The following KIF26A variants were observed in gnomAD, a reference collection of about 807,000 sequenced individuals.
KIF26A encodes the protein kinesin family member 26A.
A neutral mutation model predicts 126.0 loss-of-function variants in KIF26A; 74 were observed. The observed-to-expected ratio is 0.59, with a 90% CI of 0.49 to 0.71. KIF26A has a LOEUF of 0.71. KIF26A is among the 30% of genes least tolerant of loss of function. The pLI is 0.00. For missense variants in KIF26A, 2,984 were observed against 2,763.3 expected (o/e 1.08, Z -1.79); for synonymous variants, 1,445 against 1,232.7 (o/e 1.17, Z -3.61).
chr14:104,170,334 C>T (rs1200844622), intron 5 of KIF26A, among the ~76,000 whole-genome samples: 1 of 152,204 alleles, frequency 6.6e-6, no homozygotes, highest in Non-Finnish European at 1.5e-5. Flanking sequence ...TAATGGAGCC[C>T]AGGTTCTGAG....
chr14:104,177,435 C>T lies in KIF26A; in HGVS notation c.4647C>T (p.Gly1549=), dbSNP rs1234187813. The T allele has an allele frequency of 1.3e-6, 2 of 1,517,868 alleles. No homozygotes were observed. Among genetic ancestry groups the T allele is most frequent in the Non-Finnish European group, 1.8e-6 (2 of 1,136,580 alleles). The allele number at this position is 1,517,868 out of a possible 1,614,324, so 94.0% of individuals were successfully genotyped here. A position where few individuals can be genotyped will look rare whatever the true frequency, so the allele number is the denominator to read the frequency against. The change falls in exon 12 of 15, where the codon GGC becomes GGT. Residue 1549 remains glycine (G), a synonymous_variant. Coordinates refer to ENST00000423312, the MANE Select transcript of KIF26A (RefSeq NM_015656.2). ...GGCCCAGTGTCGGGGCGAAGGCTGG[C>T]CGGGGTACCGTCATGGGCACAAAGC... ...RAGPSVGAKA[G]RGTVMGTKQA... is the part of the protein sequence containing the mutation.
chr14:104,173,165 G>A lies in KIF26A; in HGVS notation c.1609G>A (p.Val537Met). ...DQSLRDLLAE[V>M]APGSLQDTQS... The stretch of plus-strand genomic sequence containing the variant: ...GAGCCTGCGGGACCTGCTGGCCGAG[G>A]TGGCCCCTGGCAGCCTCCAGGACAC... The change falls in exon 8 of 15, where the codon GTG becomes ATG. Residue 537 changes from valine to methionine, a missense_variant. Coordinates refer to ENST00000423312, the MANE Select transcript of KIF26A (RefSeq NM_015656.2). 2 of 1,611,576 alleles carry A rather than the reference G, an allele frequency of 1.2e-6. No homozygotes were observed. The highest frequency in any genetic ancestry group is 2.7e-5 in the African/African-American group (2 of 75,050).
intron 5 of KIF26A, among the ~76,000 whole-genome samples, chr14:104,171,117 G>A (rs1210914222): frequency 2.6e-5 from 4 of 152,188 alleles, no homozygotes; most frequent in African/African-American, 7.2e-5. Flanking sequence ...TATCTTGCCC[G>A]TCCCCGTTTG....
chr14:104,172,505 C>T, intron 6 of KIF26A, 70 bp from the exon 7 acceptor site: 3 of 1,181,462 alleles, frequency 2.5e-6, no homozygotes, highest in Non-Finnish European at 3.7e-6. Flanking sequence ...CCAGGACAGA[C>T]CGGCCTCAGG....
intron 4 of KIF26A, among the ~76,000 whole-genome samples, chr14:104,165,809 C>CATG (rs1327588225): frequency 6.6e-6 from 1 of 150,998 alleles, no homozygotes; most frequent in African/African-American, 2.4e-5. Flanking sequence ...ATATGTGTGT[C>CATG]TGTGTGTTTC....
At position 104,152,488 on chromosome 14, in the gene KIF26A, G is replaced by C; in HGVS notation, c.735+27G>C. On this transcript the variant is annotated intron_variant, in intron 3 of 14. Coordinates refer to ENST00000423312, the MANE Select transcript of KIF26A (RefSeq NM_015656.2). The surrounding 1 kb of genome is among the most constrained non-coding windows in gnomAD (Gnocchi z 5.9). ...TGAGTGTCTTGCTCAGCGGATGGGA[G>C]CTGCTGGCCTCCTTGTCAGAACTGG... The C allele has an allele frequency of 6.6e-7, 1 of 1,516,770 alleles. No homozygotes were observed. Among genetic ancestry groups the C allele is most frequent in the Non-Finnish European group, 8.8e-7 (1 of 1,135,106 alleles). 94.0% of individuals were successfully genotyped at this position (1,516,770 alleles called of 1,614,324 possible). A position where few individuals can be genotyped will look rare whatever the true frequency, so the allele number is the denominator to read the frequency against.
In KIF26A at chr14:104,178,461, A is replaced by T. The variant is rs536605252; in HGVS notation, c.5111-89A>T. 39 of 990,892 alleles carry T rather than the reference A, an allele frequency of 3.9e-5. No individual in the cohort carries two copies. The African/African-American group carries it at 6.1e-4, about 15-fold the overall frequency. The allele number at this position is 990,892 out of a possible 1,614,324, so 61.4% of individuals were successfully genotyped here. On this transcript the variant is annotated intron_variant, in intron 12 of 14. Coordinates refer to ENST00000423312, the MANE Select transcript of KIF26A (RefSeq NM_015656.2). The stretch of plus-strand genomic sequence containing the variant: ...GGATCCCGAAGGCCTCCCTGTCAGG[A>T]CTCGGGCCGGCTCCGCAGCGTCCCC...
rs774129657 is a variant in KIF26A, at chr14:104,157,745, TTC to T, written c.736-9_736-8del. ...TGCGTTCCTTATACGCACTCTCTCC[TTC>T]CCTCCAGGCCGAGGCAGCGGTGGCG... On this transcript the variant is annotated splice_polypyrimidine_tract_variant and splice_region_variant and intron_variant, in intron 3 of 14. Coordinates refer to ENST00000423312, the MANE Select transcript of KIF26A (RefSeq NM_015656.2). The T allele has an allele frequency of 1.2e-6, 2 of 1,609,404 alleles. No homozygotes were observed. Among genetic ancestry groups the T allele is most frequent in the East Asian group, 4.5e-5 (2 of 44,788 alleles).
chr14:104,139,744 A>G (rs1286192584), intron 2 of KIF26A, among the ~76,000 whole-genome samples: 1 of 152,182 alleles, frequency 6.6e-6, no homozygotes, highest in Non-Finnish European at 1.5e-5. Context: ...TGGCAGGTGA[A>G]AGGGTGGGCC....
chr14:104,178,058 G>A (rs1322723643), intron 12 of KIF26A, among the ~76,000 whole-genome samples, 160 bp downstream of exon 12: 3 of 152,354 alleles, frequency 2.0e-5, no homozygotes, highest in South Asian at 2.1e-4. Flanking sequence ...AGACTCGCCT[G>A]GGGCTTTTTG....
intron 2 of KIF26A, among the ~76,000 whole-genome samples, chr14:104,146,957 TCC>T (rs898313063): frequency 1.1e-4 from 17 of 152,130 alleles, no homozygotes; most frequent in African/African-American, 4.1e-4. Flanking sequence ...GTGTGGACAG[TCC>T]TGTGGCCCCT....
chr14:104,149,221 T>C (rs2037705844), intron 2 of KIF26A, among the ~76,000 whole-genome samples: 1 of 152,140 alleles, frequency 6.6e-6, no homozygotes, highest in African/African-American at 2.4e-5. Flanking sequence ...CCTGGGGCCT[T>C]GGGTGGGCCT....
intron 10 of KIF26A, 112 bp downstream of exon 10, chr14:104,173,980 T>G (rs2037988446): frequency 7.0e-7 from 1 of 1,426,614 alleles, no homozygotes; most frequent in South Asian, 1.4e-5. Flanking sequence ...AGGGCTTTGC[T>G]CCTCCACCAC....
chr14:104,154,501 G>T (rs886865428), intron 3 of KIF26A, among the ~76,000 whole-genome samples: 20 of 152,212 alleles, frequency 1.3e-4, no homozygotes, highest in African/African-American at 4.6e-4. Flanking sequence ...CGCCGGGCAG[G>T]GCTGTCCAGC....
chr14:104,176,861 G>A lies in KIF26A; in HGVS notation c.4073G>A (p.Gly1358Glu), dbSNP rs780822705. ...GCGGGCTTCCTCCCGAGGCCCAGTG[G>A]GGCGGCCCCCCCGGCCCCACCCACG... Reference protein sequence around the residue: ...PKAGFLPRPSGAAPPAPPTRK... With the variant: ...PKAGFLPRPSEAAPPAPPTRK... The change falls in exon 12 of 15, where the codon GGG becomes GAG. Residue 1358 changes from glycine (G) to glutamate (E), a missense_variant. Transcript: ENST00000423312. 12 of 1,543,842 alleles carry A rather than the reference G, an allele frequency of 7.8e-6. No homozygotes were observed. In the South Asian group the frequency reaches 1.4e-4, roughly 18 times the overall value.
Position 104,175,991 on chromosome 14 carries a change from C to A in KIF26A, c.3203C>A (p.Ser1068Ter). 6.3e-7 allele frequency: 1 copy of A among 1,580,996 alleles called. No homozygotes were observed. The highest frequency in any genetic ancestry group is 1.3e-5 in the African/African-American group (1 of 74,564). The change falls in exon 12 of 15, where the codon TCG (serine) becomes TAG (stop). Residue 1068 changes from serine (S) to a stop codon, truncating the protein, a stop_gained. Coordinates refer to ENST00000423312, the MANE Select transcript of KIF26A (RefSeq NM_015656.2). LOFTEE classifies it high-confidence loss of function. ...GACTGCTCCCTGCGGGCCCTGGCCT[C>A]GGGGTCCCGGCCAGTCAGCATCATC... ...DSDCSLRALA[S>*]GSRPVSIISS...
intron 4 of KIF26A, among the ~76,000 whole-genome samples, 182 bp from the exon 5 acceptor site, chr14:104,166,676 GC>G (rs940759257): frequency 6.6e-6 from 1 of 152,152 alleles, no homozygotes; most frequent in Non-Finnish European, 1.5e-5. Flanking sequence ...CGCCATGGAG[GC>G]CCCAGCCTGA....
chr14:104,180,067 T>G lies in KIF26A; in HGVS notation c.*277T>G. ...CTTTTCTCCCTTTTGCATTTGGTGC[T>G]ACAGACTTGAGACACCAGCAGAAGT... On this transcript the variant is annotated 3_prime_UTR_variant, in exon 15 of 15. Coordinates refer to ENST00000423312, the MANE Select transcript of KIF26A (RefSeq NM_015656.2). The G allele has an allele frequency of 2.6e-6, 1 of 377,940 alleles. No homozygotes were observed. The highest frequency in any genetic ancestry group is 4.3e-5 in the Admixed American group (1 of 22,996). 23.4% of individuals were successfully genotyped at this position (377,940 alleles called of 1,614,324 possible). A position where few individuals can be genotyped will look rare whatever the true frequency, so the allele number is the denominator to read the frequency against.
At chr14:104,143,621 A>G (rs2037656327) in intron 2 of KIF26A, among the ~76,000 whole-genome samples, 1 of 152,174 alleles carries the variant, frequency 6.6e-6, no homozygotes, top group South Asian at 2.1e-4. Flanking sequence ...CCAAATAGGC[A>G]ATGGTCCTGG....
Sources: allele counts gnomAD v4.1 joint callset (sites outside exome capture counted in the v4.1 genomes callset), GRCh38; gene constraint gnomAD v4.1.1; non-coding constraint Gnocchi (gnomAD v3.1); transcripts MANE v1.5; gene names NCBI Gene and HGNC (gene_info 2026-07-23, HGNC 2026-07-21).